The following FA2H variants were observed in gnomAD, a reference collection of about 807,000 sequenced individuals.
FA2H encodes the protein fatty acid alpha-hydroxylase.
FA2H carries 22 observed loss-of-function variants against 44.9 expected under a neutral mutation model. That is an observed-to-expected ratio of 0.49 (90% CI 0.35 to 0.70). The LOEUF (loss-of-function observed/expected upper bound fraction) is 0.70. Ranked by LOEUF, FA2H falls within the 30% of genes least tolerant of loss-of-function variation. The probability of loss-of-function intolerance (pLI) is 0.01; values close to 1 mark genes in which losing one functional copy is unlikely to be tolerated. For synonymous variants in FA2H, 243 were observed against 213.2 expected (o/e 1.14, Z -1.22); for missense variants, 501 against 504.9 (o/e 0.99, Z 0.07).
chr16:74,762,234 G>A (rs112240319), intron 1 of FA2H, among the ~76,000 whole-genome samples: 3,549 of 152,194 alleles, frequency 0.023, 142 homozygotes, highest in African/African-American at 0.082. Context: ...TAGTAGAGAC[G>A]GGGTTTCACC....
chr16:74,754,360 C>T (rs1197791103), intron 1 of FA2H, among the ~76,000 whole-genome samples: 2 of 152,006 alleles, frequency 1.3e-5, no homozygotes, highest in Non-Finnish European at 2.9e-5. Context: ...TGGGCCACTG[C>T]ACTCCAGCCT....
chr16:74,748,991 G>A (rs530423752), intron 1 of FA2H, among the ~76,000 whole-genome samples: 4 of 151,946 alleles, frequency 2.6e-5, no homozygotes, highest in South Asian at 4.1e-4. Flanking sequence ...CAGCGCCCCT[G>A]GGTGGCACAT....
chr16:74,763,838 T>A (rs1182805608), intron 1 of FA2H, among the ~76,000 whole-genome samples: 1 of 152,258 alleles, frequency 6.6e-6, no homozygotes, highest in Non-Finnish European at 1.5e-5. Context: ...GCTACTAGTT[T>A]TACTGTAACA....
chr16:74,740,545 G>A (rs1038513171), intron 1 of FA2H, among the ~76,000 whole-genome samples: 34 of 150,990 alleles, frequency 2.3e-4, no homozygotes, highest in South Asian at 4.2e-4. Flanking sequence ...GCTTGAACCC[G>A]GGAGGTAGAG....
At chr16:74,717,529 C>T (rs1370080373) in intron 5 of FA2H, among the ~76,000 whole-genome samples, 6 of 152,216 alleles carry the variant, frequency 3.9e-5, no homozygotes, top group South Asian at 2.1e-4. Context: ...CGCTTTCAAG[C>T]GCTGAGGTGG....
At chr16:74,762,740 G>A (rs976705110) in intron 1 of FA2H, among the ~76,000 whole-genome samples, 1 of 152,082 alleles carries the variant, frequency 6.6e-6, no homozygotes, top group African/African-American at 2.4e-5. Context: ...ATATTGGTCA[G>A]GCTGGTCTTG....
At chr16:74,714,834 ATTTTT>A (rs528963288) in intron 6 of FA2H, among the ~76,000 whole-genome samples, 1 of 137,908 alleles carries the variant, frequency 7.3e-6, no homozygotes, top group Non-Finnish European at 1.6e-5. Context: ...AGTTACTGGA[ATTTTT>A]TTTTTTTTTT....
chr16:74,744,760 A>AT (rs1962383736), intron 1 of FA2H, among the ~76,000 whole-genome samples: 1 of 151,956 alleles, frequency 6.6e-6, no homozygotes, highest in South Asian at 2.1e-4. Context: ...CAAATTTTTT[A>AT]TTTTTTATAG....
At chr16:74,742,810 G>C (rs1010766270) in intron 1 of FA2H, among the ~76,000 whole-genome samples, 6 of 152,150 alleles carry the variant, frequency 3.9e-5, no homozygotes, top group African/African-American at 1.4e-4. Flanking sequence ...CAGCACTCCA[G>C]CCTGGGCCAC....
intron 1 of FA2H, among the ~76,000 whole-genome samples, chr16:74,758,116 T>TC (rs1491408218): frequency 7.9e-6 from 1 of 126,652 alleles, no homozygotes; most frequent in East Asian, 2.2e-4. Context: ...GGGAAACAAT[T>TC]CTTTTTTTTT....
At chr16:74,716,317 G>A (rs1427454674) in intron 6 of FA2H, 30 bp downstream of exon 6, 1 of 1,610,756 alleles carries the variant, frequency 6.2e-7, no homozygotes, top group South Asian at 1.1e-5. Flanking sequence ...AACACACATA[G>A]GGGGCTGGGA....
At chr16:74,721,114 A>G (rs1266072148) in intron 4 of FA2H, among the ~76,000 whole-genome samples, 1 of 151,838 alleles carries the variant, frequency 6.6e-6, no homozygotes, top group Non-Finnish European at 1.5e-5. Context: ...TCATAACTCT[A>G]TGTTTAACCT....
chr16:74,766,309 A>T (rs571210642), intron 1 of FA2H, among the ~76,000 whole-genome samples: 11 of 142,784 alleles, frequency 7.7e-5, no homozygotes, highest in East Asian at 4.0e-4. Context: ...CTGTCTCAAT[A>T]AAAAAAAAAA....
intron 1 of FA2H, among the ~76,000 whole-genome samples, chr16:74,763,800 T>C (rs1962756963): frequency 6.6e-6 from 1 of 152,266 alleles, no homozygotes; most frequent in South Asian, 2.1e-4. Flanking sequence ...AAGTATATAA[T>C]GACATACTTT....
intron 2 of FA2H, among the ~76,000 whole-genome samples, chr16:74,733,074 C>T (rs114001652): frequency 4.8e-4 from 73 of 152,318 alleles, no homozygotes; most frequent in African/African-American, 1.6e-3. Context: ...TGTCTGGGGC[C>T]GTGGAGGGCC....
chr16:74,742,757 G>A (rs903789539), intron 1 of FA2H, among the ~76,000 whole-genome samples: 7 of 152,276 alleles, frequency 4.6e-5, no homozygotes, highest in South Asian at 4.1e-4. Flanking sequence ...AGGATCATTT[G>A]AGCCCAGGAG....
chr16:74,767,281 C>T (rs1962827257), intron 1 of FA2H, among the ~76,000 whole-genome samples: 1 of 151,946 alleles, frequency 6.6e-6, no homozygotes, highest in Non-Finnish European at 1.5e-5. Flanking sequence ...TGCACTCTAG[C>T]CTGGTGACAG....
At chr16:74,769,264 T>C (rs1003640561) in intron 1 of FA2H, among the ~76,000 whole-genome samples, 1 of 151,934 alleles carries the variant, frequency 6.6e-6, no homozygotes, top group African/African-American at 2.4e-5. Context: ...GGCTAATTTT[T>C]GTAATTTTTT....
chr16:74,721,064 C>A (rs992409329), intron 4 of FA2H, among the ~76,000 whole-genome samples: 1 of 152,198 alleles, frequency 6.6e-6, no homozygotes, highest in African/African-American at 2.4e-5. Context: ...GTTGTCCTTT[C>A]TCTTGGGTAC....
Sources: allele counts gnomAD v4.1 joint callset (sites outside exome capture counted in the v4.1 genomes callset), GRCh38; gene constraint gnomAD v4.1.1; transcripts MANE v1.5; gene names NCBI Gene and HGNC (gene_info 2026-07-23, HGNC 2026-07-21).